The following CSRNP3 variants were observed in gnomAD, a reference collection of about 807,000 sequenced individuals.
CSRNP3 encodes cysteine/serine-rich nuclear protein 3.
CSRNP3 carries 12 observed loss-of-function variants against 48.0 expected under a neutral mutation model. That is an observed-to-expected ratio of 0.25 (90% CI 0.16 to 0.41). The LOEUF is 0.41. Ranked by LOEUF, CSRNP3 falls within the 10% of genes least tolerant of loss-of-function variation. The probability of loss-of-function intolerance (pLI) is 1.00; values close to 1 mark genes in which losing one functional copy is unlikely to be tolerated. For synonymous variants in CSRNP3, 263 were observed against 269.7 expected, an observed-to-expected ratio of 0.98 and a Z score of 0.24; for missense variants, 580 against 724.4, an observed-to-expected ratio of 0.80 and a Z score of 2.29.
At chr2:165,606,251 A>G (rs1475593840) in intron 4 of CSRNP3, among the ~76,000 whole-genome samples, 2 of 151,750 alleles carry the variant, frequency 1.3e-5, no homozygotes, top group African/African-American at 4.8e-5. Flanking sequence ...ATACCCCACC[A>G]AGAAAGTGAA....
chr2:165,685,861 T>C lies in CSRNP3; in HGVS notation c.*6108T>C, dbSNP rs1259919254. 2 of 152,092 alleles carry C rather than the reference T, an allele frequency of 1.3e-5. No homozygotes were observed. Among genetic ancestry groups the C allele is most frequent in the African/African-American group, 4.8e-5 (2 of 41,410 alleles). 9.4% of individuals were successfully genotyped at this position (152,092 alleles called of 1,614,324 possible). A position where few individuals can be genotyped will look rare whatever the true frequency, so the allele number is the denominator to read the frequency against. ...ATGCTAATGATGTAACTCCTCTCTT[T>C]ATCATTACCACGGTGATAGTTAAGT... is the stretch of plus-strand genomic sequence containing the variant. On this transcript the variant is annotated 3_prime_UTR_variant, in exon 7 of 7. Transcript: ENST00000651982.
intron 3 of CSRNP3, among the ~76,000 whole-genome samples, chr2:165,538,967 A>G (rs1389680697): frequency 2.6e-5 from 4 of 151,992 alleles, no homozygotes; most frequent in Non-Finnish European, 4.4e-5. Flanking sequence ...TTTGGAAAAG[A>G]AATACTCCTA....
chr2:165,630,237 C>T (rs932534835), intron 4 of CSRNP3, among the ~76,000 whole-genome samples: 2 of 152,104 alleles, frequency 1.3e-5, no homozygotes, highest in African/African-American at 4.8e-5. Flanking sequence ...ATGCATTAAT[C>T]CTAAAAGTGT....
At chr2:165,580,770 G>T (rs913194898) in intron 3 of CSRNP3, among the ~76,000 whole-genome samples, 1 of 151,988 alleles carries the variant, frequency 6.6e-6, no homozygotes, top group Non-Finnish European at 1.5e-5. Flanking sequence ...AGGACAAAGG[G>T]AAACTTTTTA....
chr2:165,652,396 G>T (rs1449408728), intron 4 of CSRNP3, among the ~76,000 whole-genome samples: 2 of 151,880 alleles, frequency 1.3e-5, no homozygotes, highest in African/African-American at 2.4e-5. Flanking sequence ...CTACTCGGGA[G>T]GCTGAGGCAG....
intron 4 of CSRNP3, among the ~76,000 whole-genome samples, chr2:165,615,610 T>C (rs781034907): frequency 2.0e-5 from 3 of 152,120 alleles, no homozygotes; most frequent in Non-Finnish European, 2.9e-5. Flanking sequence ...AATTATTATA[T>C]ATAATGCTTT....
At chr2:165,674,608 C>T (rs1687387894) in intron 5 of CSRNP3, among the ~76,000 whole-genome samples, 1 of 135,502 alleles carries the variant, frequency 7.4e-6, no homozygotes, top group South Asian at 2.3e-4. Flanking sequence ...AACTCTGAAA[C>T]ATATATATAT....
At chr2:165,523,209 T>C (rs965080829) in intron 3 of CSRNP3, among the ~76,000 whole-genome samples, 2 of 152,188 alleles carry the variant, frequency 1.3e-5, no homozygotes, top group African/African-American at 4.8e-5. Context: ...AAAGCCTATG[T>C]TTGATTTTAC....
rs60600698 is a variant in CSRNP3, at chr2:165,500,420, T to TAC, written c.-113+5511_-113+5512dup. Among the ~76,000 whole-genome samples the TAC allele has an allele frequency of 9.2e-3, 1,303 of 142,382 alleles. 17 individuals are homozygous for TAC. Among genetic ancestry groups the TAC allele is most frequent in the East Asian group, 0.067 (333 of 4,966 alleles). The allele number at this position is 142,382 out of a possible 152,430, so 93.4% of individuals were successfully genotyped here. A position where few individuals can be genotyped will look rare whatever the true frequency, so the allele number is the denominator to read the frequency against. ...ATACATATATGTATACATATATATA[T>TAC]ACACACACACACACACACACGTGTA... is the stretch of plus-strand genomic sequence containing the variant. On this transcript the variant is annotated intron_variant, in intron 2 of 6. Coordinates refer to ENST00000651982, the MANE Select transcript of CSRNP3 (RefSeq NM_001172173.2).
chr2:165,648,039 A>C (rs1009596001), intron 4 of CSRNP3, among the ~76,000 whole-genome samples: 24 of 152,186 alleles, frequency 1.6e-4, no homozygotes, highest in African/African-American at 5.5e-4. Flanking sequence ...AGCAAAATTC[A>C]GTGCCTATAT....
chr2:165,616,059 A>G (rs961273498), intron 4 of CSRNP3, among the ~76,000 whole-genome samples: 2 of 152,030 alleles, frequency 1.3e-5, no homozygotes, highest in African/African-American at 4.8e-5. Flanking sequence ...TTCTTTGTGT[A>G]TCTTTACAGA....
intron 4 of CSRNP3, among the ~76,000 whole-genome samples, chr2:165,607,480 G>A (rs571310749): frequency 5.3e-4 from 80 of 152,140 alleles, no homozygotes; most frequent in African/African-American, 1.7e-3. Context: ...TCTTCCCCAG[G>A]TGTTCAGCTC....
intron 3 of CSRNP3, among the ~76,000 whole-genome samples, chr2:165,522,708 T>G (rs1013945144): frequency 1.3e-5 from 2 of 152,054 alleles, no homozygotes; most frequent in Non-Finnish European, 2.9e-5. Context: ...TAGAATAAAA[T>G]TAGACTTTTA....
chr2:165,487,788 G>A (rs1486405649), intron 1 of CSRNP3, among the ~76,000 whole-genome samples: 1 of 150,784 alleles, frequency 6.6e-6, no homozygotes, highest in Non-Finnish European at 1.5e-5. Context: ...AAGAACTCCT[G>A]AAGGAAGTGC....
chr2:165,619,929 C>T (rs1375884646), intron 4 of CSRNP3, among the ~76,000 whole-genome samples: 3 of 152,190 alleles, frequency 2.0e-5, no homozygotes, highest in African/African-American at 7.2e-5. Flanking sequence ...AAGAGCAAGA[C>T]TTGGAAACAA....
rs1000481654 is a variant in CSRNP3 at position 165,681,565 on chromosome 2, C to T, written c.*1812C>T. The T allele has an allele frequency of 1.3e-5, 2 of 151,094 alleles. No individual in the cohort carries two copies. Among genetic ancestry groups the T allele is most frequent in the Non-Finnish European group, 3.0e-5 (2 of 67,744 alleles). The allele number at this position is 151,094 out of a possible 1,614,324, so 9.4% of individuals were successfully genotyped here. On this transcript the variant is annotated 3_prime_UTR_variant, in exon 7 of 7. Transcript: ENST00000651982. ...GCAGTTGGTTTCTGCCCCTTCTCTT[C>T]CCCCCTACATTGGGCCAAATTTATA...
At chr2:165,606,491 C>T (rs931175734) in intron 4 of CSRNP3, among the ~76,000 whole-genome samples, 1 of 151,534 alleles carries the variant, frequency 6.6e-6, no homozygotes, top group Admixed American at 6.6e-5. Context: ...TGAAAGAAGA[C>T]ATCATTTCAC....
chr2:165,591,158 G>C (rs1685710331), intron 3 of CSRNP3, among the ~76,000 whole-genome samples: 1 of 152,180 alleles, frequency 6.6e-6, no homozygotes, highest in Admixed American at 6.5e-5. Context: ...GCCTCAGGAG[G>C]ACTCTGATGG....
intron 4 of CSRNP3, among the ~76,000 whole-genome samples, chr2:165,610,331 A>G (rs1013954447): frequency 9.8e-5 from 15 of 152,316 alleles, no homozygotes; most frequent in African/African-American, 3.4e-4. Flanking sequence ...CATCCAACTC[A>G]GAAAATATAG....
Sources: gnomAD v4.1 joint callset for allele counts (sites outside exome capture counted in the v4.1 genomes callset) on GRCh38, gnomAD v4.1.1 for gene constraint, MANE v1.5 for transcripts, NCBI Gene and HGNC (gene_info 2026-07-23, HGNC 2026-07-21) for gene names.